ANKRD44: variants seen among roughly 807,000 people sequenced by gnomAD.
ANKRD44 encodes ankyrin repeat domain 44, also known as serine/threonine-protein phosphatase 6 regulatory ankyrin repeat subunit B.
In ANKRD44, 35 loss-of-function variants were observed where a neutral mutation model predicts 116.0. That is an observed-to-expected ratio of 0.30 (90% CI 0.23 to 0.40). ANKRD44 has a LOEUF of 0.40. ANKRD44 is among the 10% of genes least tolerant of loss of function. The probability of loss-of-function intolerance (pLI) is 1.00; values close to 1 mark genes in which losing one functional copy is unlikely to be tolerated. For missense variants in ANKRD44, 1,014 were observed against 1,242.6 expected (o/e 0.82, Z 2.77); for synonymous variants, 435 against 461.8 (o/e 0.94, Z 0.74).
chr2:197,283,413 T>C (rs2083320153), intron 1 of ANKRD44, among the ~76,000 whole-genome samples: 1 of 152,232 alleles, frequency 6.6e-6, no homozygotes, highest in South Asian at 2.1e-4. Flanking sequence ...CATCTTTTAA[T>C]ACCTGCTCTA....
intron 1 of ANKRD44, among the ~76,000 whole-genome samples, chr2:197,274,293 C>T (rs1280474947): frequency 6.6e-6 from 1 of 152,072 alleles, no homozygotes; most frequent in Non-Finnish European, 1.5e-5. Flanking sequence ...CTATACCCAC[C>T]TCTTAGGGTT....
At chr2:197,078,468 C>A (rs1198535350) in intron 16 of ANKRD44, 6 of 1,177,088 alleles carry the variant, frequency 5.1e-6, no homozygotes, top group East Asian at 3.7e-5. Context: ...GACTACCATG[C>A]TTTTGTGCTG....
chr2:197,149,403 C>G (rs2079583770), intron 2 of ANKRD44, among the ~76,000 whole-genome samples: 1 of 152,168 alleles, frequency 6.6e-6, no homozygotes, highest in African/African-American at 2.4e-5. Flanking sequence ...CCTTTTATGG[C>G]ACAGCTTGTT....
chr2:197,268,353 T>C (rs2082795639), intron 1 of ANKRD44, among the ~76,000 whole-genome samples: 1 of 152,210 alleles, frequency 6.6e-6, no homozygotes, highest in African/African-American at 2.4e-5. Context: ...GATGACAAGT[T>C]ATCCAAGAAC....
rs149639932 is a variant in ANKRD44, at chr2:197,246,731, C to T, written c.28-59625G>A. 6.2e-3 allele frequency among the ~76,000 whole-genome samples: 945 copies of T among 152,260 alleles called. 11 individuals are homozygous for T. The highest frequency in any genetic ancestry group is 0.021 in the African/African-American group (889 of 41,534). Reference sequence around the variant, plus strand: ...TCATTCCCCAGGATCAGTCACTACTCGGAGTGACGTTCATGCATTCCCTCA... The same window carrying T: ...TCATTCCCCAGGATCAGTCACTACTTGGAGTGACGTTCATGCATTCCCTCA... On this transcript the variant is annotated intron_variant, in intron 1 of 27. Coordinates refer to ENST00000282272, the MANE Select transcript of ANKRD44 (RefSeq NM_001195144.2).
intron 2 of ANKRD44, among the ~76,000 whole-genome samples, chr2:197,186,612 C>CTTTTTTTTTTTTTTTTTTTTTTTTT (rs149107038): frequency 7.9e-5 from 4 of 50,808 alleles, no homozygotes; most frequent in African/African-American, 9.5e-5. Context: ...GCTAATTTTT[C>CTTTTTTTTTTTTTTTTTTTTTTTTT]TTTTTTTTTT....
At position 196,988,357 on chromosome 2, in the gene ANKRD44, T is replaced by C. The variant is rs2075863076; in HGVS notation, c.*1234A>G. 2 of 985,340 alleles carry C rather than the reference T, an allele frequency of 2.0e-6. No individual in the cohort carries two copies. The highest frequency in any genetic ancestry group is 2.4e-6 in the Non-Finnish European group (2 of 829,944). 61.0% of individuals were successfully genotyped at this position (985,340 alleles called of 1,614,324 possible). On this transcript the variant is annotated 3_prime_UTR_variant, in exon 28 of 28. Transcript: ENST00000282272. ...GTCATTATTGCTCATTAGCAATTTA[T>C]CTGCTTTTTAAAAATTCATCTTCTC... is the stretch of plus-strand genomic sequence containing the variant.
intron 2 of ANKRD44, among the ~76,000 whole-genome samples, chr2:197,154,378 A>G (rs1445699007): frequency 6.6e-6 from 1 of 151,002 alleles, no homozygotes; most frequent in East Asian, 1.9e-4. Flanking sequence ...ACGGGGTTTC[A>G]CCATGTTAGC....
intron 1 of ANKRD44, among the ~76,000 whole-genome samples, chr2:197,229,402 A>C (rs1393059536): frequency 6.6e-6 from 1 of 152,210 alleles, no homozygotes; most frequent in Non-Finnish European, 1.5e-5. Flanking sequence ...ACTTTCATAC[A>C]TGTTCCTATC....
chr2:197,000,134 T>A (rs959595569), intron 23 of ANKRD44, among the ~76,000 whole-genome samples: 40 of 152,064 alleles, frequency 2.6e-4, no homozygotes, highest in Non-Finnish European at 1.5e-5. Flanking sequence ...AAAGAATATA[T>A]GGATATATAC....
At chr2:197,042,078 A>G (rs370141728) in intron 16 of ANKRD44, among the ~76,000 whole-genome samples, 45 of 152,286 alleles carry the variant, frequency 3.0e-4, no homozygotes, top group African/African-American at 1.1e-3. Flanking sequence ...AAATCATAAT[A>G]TAACTTTATC....
rs2075848686 is a variant in ANKRD44 at position 196,987,271 on chromosome 2, C to G, written c.*2320G>C. The G allele has an allele frequency of 1.0e-6, 1 of 984,730 alleles. No homozygotes were observed. Among genetic ancestry groups the G allele is most frequent in the African/African-American group, 1.7e-5 (1 of 57,178 alleles). The allele number at this position is 984,730 out of a possible 1,614,324, so 61.0% of individuals were successfully genotyped here. A position where few individuals can be genotyped will look rare whatever the true frequency, so the allele number is the denominator to read the frequency against. On this transcript the variant is annotated 3_prime_UTR_variant, in exon 28 of 28. Coordinates refer to ENST00000282272, the MANE Select transcript of ANKRD44 (RefSeq NM_001195144.2). The stretch of plus-strand genomic sequence containing the variant: ...AAGCATTTTCATATTCATTTCAATG[C>G]AAGTACAAGGGGAAATAGGAAAAAA...
At chr2:197,259,968 C>G (rs1277290093) in intron 1 of ANKRD44, among the ~76,000 whole-genome samples, 1 of 152,144 alleles carries the variant, frequency 6.6e-6, no homozygotes, top group Non-Finnish European at 1.5e-5. Flanking sequence ...CAATAAAGAA[C>G]ACAGGCTATA....
intron 2 of ANKRD44, among the ~76,000 whole-genome samples, chr2:197,172,593 G>C (rs2080266665): frequency 6.6e-6 from 1 of 151,870 alleles, no homozygotes; most frequent in Non-Finnish European, 1.5e-5. Context: ...ATCTTATTTT[G>C]TTTGTTTGAG....
chr2:197,170,041 T>C (rs1432935928), intron 2 of ANKRD44, among the ~76,000 whole-genome samples: 2 of 151,820 alleles, frequency 1.3e-5, no homozygotes, highest in Admixed American at 6.6e-5. Flanking sequence ...AATACAAAAA[T>C]TAGCTGGGCA....
chr2:197,202,525 C>A (rs1037179063), intron 1 of ANKRD44, among the ~76,000 whole-genome samples: 2 of 152,128 alleles, frequency 1.3e-5, no homozygotes, highest in African/African-American at 4.8e-5. Context: ...CTGCTCAGAA[C>A]TGGTCAGAGT....
At chr2:197,109,352 T>C (rs993430478) in intron 9 of ANKRD44, among the ~76,000 whole-genome samples, 4 of 152,220 alleles carry the variant, frequency 2.6e-5, no homozygotes, top group South Asian at 2.1e-4. Flanking sequence ...GTCAAAGGCA[T>C]AGCACATATT....
chr2:197,140,074 G>T (rs2079323189), intron 3 of ANKRD44, among the ~76,000 whole-genome samples: 1 of 148,450 alleles, frequency 6.7e-6, no homozygotes, highest in Non-Finnish European at 1.5e-5. Context: ...TAGAGACAAG[G>T]TTTTGCCATT....
At chr2:197,125,281 A>T in intron 6 of ANKRD44, 100 bp downstream of exon 6, 1 of 1,131,952 alleles carries the variant, frequency 8.8e-7, no homozygotes, top group Non-Finnish European at 1.3e-6. Context: ...CAAGCTTGAA[A>T]AGAAGTCAGA....
Sources: allele counts gnomAD v4.1 joint callset (sites outside exome capture counted in the v4.1 genomes callset), GRCh38; gene constraint gnomAD v4.1.1; transcripts MANE v1.5; gene names NCBI Gene and HGNC (gene_info 2026-07-23, HGNC 2026-07-21).